RIMS2: variants seen among roughly 807,000 people sequenced by gnomAD.
RIMS2 encodes regulating synaptic membrane exocytosis protein 2.
Under a neutral mutation model 174.4 loss-of-function variants are expected in RIMS2, and 59 were observed. That is an observed-to-expected ratio of 0.34 (90% CI 0.27 to 0.42). RIMS2 has a LOEUF of 0.42. Ranked by LOEUF, RIMS2 falls within the 10% of genes least tolerant of loss-of-function variation. RIMS2 has a pLI of 1.00. For synonymous variants in RIMS2, 606 were observed against 572.5 expected (o/e 1.06, Z -0.84); for missense variants, 1,620 against 1,666.3 (o/e 0.97, Z 0.48).
chr8:103,539,280 T>G (rs577342614), intron 1 of RIMS2, among the ~76,000 whole-genome samples: 1 of 152,098 alleles, frequency 6.6e-6, no homozygotes, highest in Non-Finnish European at 1.5e-5. Flanking sequence ...GGGAAAAATG[T>G]CCAAACACTT....
At chr8:104,115,973 A>G (rs996304388) in intron 19 of RIMS2, among the ~76,000 whole-genome samples, 1 of 152,188 alleles carries the variant, frequency 6.6e-6, no homozygotes, top group Admixed American at 6.6e-5. Context: ...GTTTGCAGCT[A>G]CAGTAGTAAT....
chr8:103,638,931 A>C (rs984718121), intron 1 of RIMS2, among the ~76,000 whole-genome samples: 1 of 151,978 alleles, frequency 6.6e-6, no homozygotes, highest in Admixed American at 6.5e-5. Context: ...CTATCTTTAA[A>C]ATATGTAAAT....
At chr8:103,669,938 G>T (rs774500359) in intron 1 of RIMS2, among the ~76,000 whole-genome samples, 5 of 152,250 alleles carry the variant, frequency 3.3e-5, no homozygotes, top group Non-Finnish European at 1.5e-5. Context: ...CAGTGCCCCA[G>T]TGTGGACTCT....
chr8:103,932,804 G>A (rs1403878033), intron 12 of RIMS2, among the ~76,000 whole-genome samples: 1 of 152,162 alleles, frequency 6.6e-6, no homozygotes, highest in African/African-American at 2.4e-5. Flanking sequence ...GCTCATGCCT[G>A]TAATCACAGG....
intron 3 of RIMS2, among the ~76,000 whole-genome samples, chr8:103,774,200 TC>T (rs2098285043): frequency 6.6e-6 from 1 of 152,220 alleles, no homozygotes; most frequent in Admixed American, 6.5e-5. Context: ...TTTGACAGTT[TC>T]TTATACTGAG....
chr8:104,123,467 G>A (rs1000059107), intron 19 of RIMS2, among the ~76,000 whole-genome samples: 2 of 151,888 alleles, frequency 1.3e-5, no homozygotes, highest in Admixed American at 6.6e-5. Context: ...GAATCAATGA[G>A]TATGACAGGT....
intron 3 of RIMS2, among the ~76,000 whole-genome samples, chr8:103,855,001 G>A (rs1416755967): frequency 2.0e-5 from 3 of 151,812 alleles, no homozygotes; most frequent in Non-Finnish European, 4.4e-5. Flanking sequence ...GCTTTTTTTG[G>A]TTGGTAGGTT....
At chr8:103,753,990 T>C (rs2139853626) in intron 2 of RIMS2, among the ~76,000 whole-genome samples, 1 of 152,346 alleles carries the variant, frequency 6.6e-6, no homozygotes, top group East Asian at 1.9e-4. Flanking sequence ...GTGTTTGCTC[T>C]TGCTACTCTA....
chr8:103,781,432 C>G (rs1592203217), intron 3 of RIMS2, among the ~76,000 whole-genome samples: 1 of 152,088 alleles, frequency 6.6e-6, no homozygotes, highest in South Asian at 2.1e-4. Flanking sequence ...CATTTTGGAA[C>G]TGGAACAAAA....
intron 2 of RIMS2, among the ~76,000 whole-genome samples, chr8:103,754,676 T>G (rs542453487): frequency 6.6e-6 from 1 of 152,324 alleles, no homozygotes; most frequent in East Asian, 1.9e-4. Flanking sequence ...CCCTTTACCA[T>G]TATATAATGG....
chr8:103,965,367 G>T (rs1454904480), intron 15 of RIMS2, among the ~76,000 whole-genome samples: 1 of 151,924 alleles, frequency 6.6e-6, no homozygotes, highest in Non-Finnish European at 1.5e-5. Flanking sequence ...TACATATTTT[G>T]TTAGATTATA....
intron 19 of RIMS2, among the ~76,000 whole-genome samples, chr8:104,047,375 T>C (rs1317755050): frequency 1.3e-5 from 2 of 152,128 alleles, no homozygotes; most frequent in African/African-American, 2.4e-5. Flanking sequence ...AGGGAAAATA[T>C]TTGTTCCTGT....
chr8:104,032,973 T>C (rs942030847), intron 19 of RIMS2, among the ~76,000 whole-genome samples: 1 of 151,928 alleles, frequency 6.6e-6, no homozygotes, highest in Non-Finnish European at 1.5e-5. Context: ...TAATAATGAT[T>C]AAGCTATTAC....
chr8:103,738,643 A>G (rs1406824273), intron 2 of RIMS2, among the ~76,000 whole-genome samples: 1 of 152,158 alleles, frequency 6.6e-6, no homozygotes, highest in Non-Finnish European at 1.5e-5. Flanking sequence ...TCTGACAAAG[A>G]GCTAATATCC....
At chr8:103,975,528 A>T in intron 16 of RIMS2, 22 bp downstream of exon 18, 1 of 1,594,428 alleles carries the variant, frequency 6.3e-7, no homozygotes, top group Non-Finnish European at 8.6e-7. Context: ...TACTTATTTT[A>T]TTTGTAGGGT....
exon 24 of RIMS2, chr8:104,251,817 A>G (rs138693244): frequency 6.3e-7 from 1 of 1,575,916 alleles, no homozygotes; most frequent in Admixed American, 1.7e-5. Flanking sequence ...ACTCTCGTTC[A>G]TAGCAGCTGT....
intron 19 of RIMS2, among the ~76,000 whole-genome samples, chr8:104,237,003 T>C (rs891682720): frequency 6.6e-6 from 1 of 152,162 alleles, no homozygotes; most frequent in African/African-American, 2.4e-5. Flanking sequence ...TTGGCAATTT[T>C]CCTGTAAATC....
chr8:103,557,396 A>T (rs1048395412), intron 1 of RIMS2, among the ~76,000 whole-genome samples: 2 of 152,206 alleles, frequency 1.3e-5, no homozygotes, highest in Non-Finnish European at 2.9e-5. Flanking sequence ...TGGTCAGGAA[A>T]AATGTCCATG....
intron 1 of RIMS2, among the ~76,000 whole-genome samples, chr8:103,620,507 G>GT (rs901242738): frequency 1.6e-4 from 25 of 152,040 alleles, no homozygotes; most frequent in African/African-American, 5.8e-4. Context: ...GTGAAAACCT[G>GT]TTTTTTATCC....
Sources: gnomAD v4.1 joint callset for allele counts (sites outside exome capture counted in the v4.1 genomes callset) on GRCh38, gnomAD v4.1.1 for gene constraint, MANE v1.5 for transcripts, NCBI Gene and HGNC (gene_info 2026-07-23, HGNC 2026-07-21) for gene names.